The following DIS3L variants were observed in gnomAD, a reference collection of about 807,000 sequenced individuals.
The protein encoded by DIS3L is DIS3-like exonuclease 1.
DIS3L carries 100 observed loss-of-function variants against 120.3 expected under a neutral mutation model. That is an observed-to-expected ratio of 0.83 (90% CI 0.71 to 0.98). The LOEUF (loss-of-function observed/expected upper bound fraction) is 0.98, where lower values mean the gene tolerates loss of function less well. DIS3L is among the 50% of genes least tolerant of loss of function. DIS3L has a pLI of 0.00. For missense variants in DIS3L, 1,196 were observed against 1,314.2 expected (o/e 0.91, Z 1.39); for synonymous variants, 426 against 470.6 (o/e 0.91, Z 1.23).
At chr15:66,293,389 G>A, upstream of DIS3L, 8 of 1,012,760 alleles carry the variant, frequency 7.9e-6, no homozygotes, top group Non-Finnish European at 9.9e-6. Context: ...CCACCCCTCC[G>A]CCCTGGTCCA....
intron 12 of DIS3L, among the ~76,000 whole-genome samples, chr15:66,327,548 G>C (rs1023707942): frequency 6.6e-6 from 1 of 151,924 alleles, no homozygotes; most frequent in Non-Finnish European, 1.5e-5. Flanking sequence ...ACGAGGTCAG[G>C]AGATCGAGAC....
In DIS3L at chr15:66,320,722, C is replaced by G. The variant is rs766494563; in HGVS notation, c.1316C>G (p.Ser439Ter). The G allele has an allele frequency of 6.2e-6, 10 of 1,612,982 alleles. No individual in the cohort carries two copies. The South Asian group carries it at 8.8e-5, about 14-fold the overall frequency. ...AACAGTATTTCAGTTATTCCTTTCT[C>G]AGAAGCTCAGGTCAGATTTTCCAGA... ...VENSISVIPF[S>*]EAQMCEMPVN... is the part of the protein sequence containing the mutation. Residue 439 changes from serine (S) to a stop codon, truncating the protein, a stop_gained, in exon 9 of 17, where the codon TCA becomes TGA. Transcript: ENST00000319212. LOFTEE classifies it high-confidence loss of function.
chr15:66,324,761 T>C (rs545109570), intron 11 of DIS3L, among the ~76,000 whole-genome samples: 32 of 152,318 alleles, frequency 2.1e-4, no homozygotes, highest in Admixed American at 2.1e-3. Flanking sequence ...CTAACCATTT[T>C]TTCGTATGTT....
chr15:66,330,274 G>A lies in DIS3L; in HGVS notation c.2535+875G>A, dbSNP rs949062305. On this transcript the variant is annotated intron_variant, in intron 14 of 16. Coordinates refer to ENST00000319212, the MANE Select transcript of DIS3L (RefSeq NM_001143688.3). The stretch of plus-strand genomic sequence containing the variant: ...ATTGCACCACTGCACTCTGGCCTGG[G>A]TGACAGAGCGAAACTCCGTCTAAAA... 5 of 984,010 alleles carry A rather than the reference G, an allele frequency of 5.1e-6. No individual in the cohort carries two copies. In the African/African-American group the frequency reaches 8.7e-5, roughly 17 times the overall value. The allele number at this position is 984,010 out of a possible 1,614,324, so 61.0% of individuals were successfully genotyped here.
intron 2 of DIS3L, 70 bp downstream of exon 2, chr15:66,295,211 G>T: frequency 6.9e-7 from 1 of 1,444,136 alleles, no homozygotes; most frequent in African/African-American, 1.4e-5. Flanking sequence ...TCCCTTGTCG[G>T]AGGGGGATGG....
intron 8 of DIS3L, among the ~76,000 whole-genome samples, chr15:66,320,052 A>T (rs373404480): frequency 6.6e-6 from 1 of 151,720 alleles, no homozygotes; most frequent in Non-Finnish European, 1.5e-5. Flanking sequence ...TGAACCCGGG[A>T]GGCATAGGCT....
intron 2 of DIS3L, among the ~76,000 whole-genome samples, chr15:66,295,684 T>C (rs746008633): frequency 4.6e-5 from 7 of 152,240 alleles, no homozygotes; most frequent in Non-Finnish European, 8.8e-5. Context: ...GGCTTTCTAA[T>C]TGAACAAGTC....
chr15:66,297,304 A>G (rs930040708), intron 2 of DIS3L, among the ~76,000 whole-genome samples: 4 of 152,202 alleles, frequency 2.6e-5, no homozygotes, highest in Non-Finnish European at 5.9e-5. Context: ...TTAAAATTGT[A>G]TGTATTTGGC....
At chr15:66,315,739 A>G (rs1478832277) in intron 7 of DIS3L, among the ~76,000 whole-genome samples, 2 of 152,188 alleles carry the variant, frequency 1.3e-5, no homozygotes, top group East Asian at 3.8e-4. Context: ...GTCAGAGTAT[A>G]GTTAACTCCA....
chr15:66,330,617 C>A, intron 14 of DIS3L: 1 of 911,372 alleles, frequency 1.1e-6, no homozygotes, highest in Non-Finnish European at 1.3e-6. Flanking sequence ...AGAAATTTGG[C>A]CAGTGTCTCA....
chr15:66,296,810 C>G (rs907538209), intron 2 of DIS3L, among the ~76,000 whole-genome samples: 4 of 152,236 alleles, frequency 2.6e-5, no homozygotes. Context: ...GCATGAGCCA[C>G]TGTGCCCGGC....
chr15:66,310,868 C>G (rs1033194849), intron 4 of DIS3L, among the ~76,000 whole-genome samples: 1 of 152,048 alleles, frequency 6.6e-6, no homozygotes, highest in Non-Finnish European at 1.5e-5. Flanking sequence ...CAGTGGCCCA[C>G]GCCTGTAATC....
At chr15:66,327,832 C>T (rs1254517697) in intron 12 of DIS3L, among the ~76,000 whole-genome samples, 1 of 152,138 alleles carries the variant, frequency 6.6e-6, no homozygotes, top group Non-Finnish European at 1.5e-5. Context: ...GAGGCTGAGG[C>T]AGGCACATCA....
upstream of DIS3L, chr15:66,293,429 C>G: frequency 8.4e-7 from 1 of 1,183,676 alleles, no homozygotes; most frequent in Non-Finnish European, 1.0e-6. Flanking sequence ...GAAACTAAGG[C>G]CGGGAGGGCC....
intron 2 of DIS3L, among the ~76,000 whole-genome samples, chr15:66,300,586 A>G (rs1431204911): frequency 2.0e-5 from 3 of 152,212 alleles, no homozygotes; most frequent in Non-Finnish European, 4.4e-5. Flanking sequence ...TCTTTTTTAA[A>G]ATCTCTAGAA....
chr15:66,315,772 G>A (rs2092811101), intron 7 of DIS3L, among the ~76,000 whole-genome samples: 1 of 152,082 alleles, frequency 6.6e-6, no homozygotes, highest in African/African-American at 2.4e-5. Context: ...CTCTCTGCTG[G>A]TCTCTCATGC....
intron 4 of DIS3L, among the ~76,000 whole-genome samples, chr15:66,310,135 T>C (rs1229711289): frequency 1.3e-5 from 2 of 152,198 alleles, no homozygotes; most frequent in African/African-American, 4.8e-5. Flanking sequence ...TGTCAGTTTA[T>C]AGAAAGTCTA....
In DIS3L at chr15:66,332,886, G is replaced by A. The variant is rs752275683; in HGVS notation, c.2832G>A (p.Thr944=). 2.3e-5 allele frequency: 37 copies of A among 1,611,814 alleles called. No individual in the cohort carries two copies. The highest frequency in any genetic ancestry group is 1.6e-4 in the African/African-American group (12 of 74,822). The part of the protein sequence containing the change: ...TSTTTDGESV[T]FHLFDHVTVR... ...CTACAACAGATGGGGAATCTGTTAC[G>A]TTCCATTTGTTTGACCATGTAACCG... The change falls in exon 16 of 17, where the codon ACG becomes ACA. Residue 944 remains threonine (T), a synonymous_variant. Coordinates refer to ENST00000319212, the MANE Select transcript of DIS3L (RefSeq NM_001143688.3).
chr15:66,320,774 T>C, intron 9 of DIS3L, 42 bp downstream of exon 9: 2 of 1,584,296 alleles, frequency 1.3e-6, no homozygotes, highest in South Asian at 2.3e-5. Flanking sequence ...ACATTTTCTT[T>C]TTGCTTTTGT....
Sources: gnomAD v4.1 joint callset for allele counts (sites outside exome capture counted in the v4.1 genomes callset) on GRCh38, gnomAD v4.1.1 for gene constraint, MANE v1.5 for transcripts, NCBI Gene and HGNC (gene_info 2026-07-23, HGNC 2026-07-21) for gene names.